The following MSI2 variants were observed in gnomAD, a reference collection of about 807,000 sequenced individuals.
MSI2 encodes RNA-binding protein Musashi homolog 2.
A neutral mutation model predicts 45.6 loss-of-function variants in MSI2; 17 were observed. The observed-to-expected ratio is 0.37, with a 90% CI of 0.26 to 0.56. The LOEUF is 0.56. MSI2 is among the 20% of genes least tolerant of loss of function. MSI2 has a pLI of 0.77. For synonymous variants in MSI2, 156 were observed against 158.2 expected (o/e 0.99, Z 0.11); for missense variants, 293 against 444.2 (o/e 0.66, Z 3.06).
chr17:57,370,844 C>T (rs1205276441), intron 5 of MSI2, among the ~76,000 whole-genome samples: 1 of 152,156 alleles, frequency 6.6e-6, no homozygotes, highest in Admixed American at 6.5e-5. Flanking sequence ...CATGAATGGC[C>T]TTATTAGAGT....
At chr17:57,660,858 G>A (rs949839303) in intron 11 of MSI2, among the ~76,000 whole-genome samples, 1 of 152,220 alleles carries the variant, frequency 6.6e-6, no homozygotes, top group Non-Finnish European at 1.5e-5. Flanking sequence ...GAGCTGGGCA[G>A]AATCAGAGCA....
chr17:57,624,561 T>A (rs1449061368), intron 9 of MSI2, among the ~76,000 whole-genome samples: 12 of 152,204 alleles, frequency 7.9e-5, no homozygotes, highest in Non-Finnish European at 2.9e-5. Flanking sequence ...CTCCTGCTCC[T>A]TAGCTAGCAG....
intron 6 of MSI2, among the ~76,000 whole-genome samples, chr17:57,458,828 C>T (rs2085168173): frequency 1.3e-5 from 2 of 152,204 alleles, no homozygotes; most frequent in South Asian, 4.1e-4. Flanking sequence ...TGGGAGGGTG[C>T]CCTGTGCAGG....
In MSI2 at chr17:57,445,245, G is replaced by A. The variant is rs536435258; in HGVS notation, c.405+43774G>A. Among the ~76,000 whole-genome samples the A allele has an allele frequency of 1.2e-4, 18 of 152,256 alleles. No individual in the cohort carries two copies. The South Asian group carries it at 1.7e-3, about 14-fold the overall frequency. ...AAAAGCTTCCTTCGGTCACCAAGCC[G>A]CGTGTTTGTGTCTGGAGATGAAGTG... On this transcript the variant is annotated intron_variant, in intron 6 of 13. Transcript: ENST00000284073.
intron 11 of MSI2, among the ~76,000 whole-genome samples, chr17:57,655,231 T>C (rs1911507750): frequency 1.3e-5 from 2 of 152,160 alleles, no homozygotes; most frequent in African/African-American, 4.8e-5. Context: ...AGTGGTCACT[T>C]TTCTTTTCCC....
At chr17:57,617,480 T>C (rs1398861592) in intron 9 of MSI2, among the ~76,000 whole-genome samples, 2 of 152,228 alleles carry the variant, frequency 1.3e-5, no homozygotes, top group African/African-American at 4.8e-5. Flanking sequence ...AAACTAAATA[T>C]ACCTATATTT....
rs2084692794 is a variant in MSI2, at chr17:57,436,492, A to G, written c.405+35021A>G. ...AAAAAGTATGGACTAAAGAAAACTG[A>G]TGCTCTGCTGGGTGGATGTGGGGAG... On this transcript the variant is annotated intron_variant, in intron 6 of 13. Transcript: ENST00000284073. 3.3e-5 allele frequency among the ~76,000 whole-genome samples: 5 copies of G among 152,214 alleles called. No homozygotes were observed. In the South Asian group the frequency reaches 1.0e-3, roughly 32 times the overall value.
intron 6 of MSI2, among the ~76,000 whole-genome samples, chr17:57,408,413 G>A (rs778599699): frequency 3.3e-5 from 5 of 152,250 alleles, no homozygotes; most frequent in Non-Finnish European, 7.3e-5. Flanking sequence ...ATGTGCATTT[G>A]CATAGTAGGT....
chr17:57,524,674 C>A (rs1293294132), intron 6 of MSI2, among the ~76,000 whole-genome samples: 1 of 152,206 alleles, frequency 6.6e-6, no homozygotes, highest in Non-Finnish European at 1.5e-5. Flanking sequence ...CTCTTCTTAT[C>A]ATCTTTTCCA....
chr17:57,427,007 T>C (rs1208747312), intron 6 of MSI2, among the ~76,000 whole-genome samples: 3 of 152,256 alleles, frequency 2.0e-5, no homozygotes, highest in Non-Finnish European at 4.4e-5. Flanking sequence ...TTCACCAGGC[T>C]GAAGCCGGGG....
At chr17:57,698,538 T>C in the MSI2 span, among the ~76,000 whole-genome samples, 1 of 152,208 alleles carries the variant, frequency 6.6e-6, no homozygotes, top group African/African-American at 2.4e-5. Context: ...CTTTGATCTC[T>C]GTCTTGCTCT....
In MSI2 at chr17:57,429,241, G is replaced by A. The variant is rs143846307; in HGVS notation, c.405+27770G>A. On this transcript the variant is annotated intron_variant, in intron 6 of 13. Coordinates refer to ENST00000284073, the MANE Select transcript of MSI2 (RefSeq NM_138962.4). ...CTGATCCCACACAGCCTCCAAATAG[G>A]CACTATTGCTCTAAGGTGTCTGGGA... Among the ~76,000 whole-genome samples, 5 of 152,216 alleles carry A rather than the reference G, an allele frequency of 3.3e-5. No homozygotes were observed. In the East Asian group the frequency reaches 9.7e-4, roughly 29 times the overall value.
At chr17:57,342,336 T>C (rs1176693028) in intron 5 of MSI2, among the ~76,000 whole-genome samples, 1 of 152,212 alleles carries the variant, frequency 6.6e-6, no homozygotes, top group Non-Finnish European at 1.5e-5. Context: ...GGTTGAACGC[T>C]CTGAGAGGCC....
At chr17:57,314,871 C>T (rs914146061) in intron 5 of MSI2, among the ~76,000 whole-genome samples, 6 of 152,090 alleles carry the variant, frequency 3.9e-5, no homozygotes, top group East Asian at 3.9e-4. Flanking sequence ...CGCCCGGCCG[C>T]GCCTGCGTTT....
chr17:57,396,541 A>G (rs1459646641), intron 5 of MSI2, among the ~76,000 whole-genome samples: 1 of 152,154 alleles, frequency 6.6e-6, no homozygotes, highest in Non-Finnish European at 1.5e-5. Context: ...TTTTTAACTC[A>G]AAAAGCCAGC....
chr17:57,258,907 A>G (rs8070947), intron 4 of MSI2, among the ~76,000 whole-genome samples: 60,692 of 151,900 alleles, frequency 0.4, 15,548 homozygotes, highest in African/African-American at 0.73. Flanking sequence ...TCCAGATGGC[A>G]TGAAATCTAA....
chr17:57,380,638 C>G lies in MSI2; in HGVS notation c.313-20741C>G, dbSNP rs755972112. On this transcript the variant is annotated intron_variant, in intron 5 of 13. Transcript: ENST00000284073. ...GGGTTAGTCCTTCAGCCCCCTACCC[C>G]CAAACAACCAAGTGGATGTGGGTTT... Among the ~76,000 whole-genome samples the G allele has an allele frequency of 2.5e-4, 38 of 152,150 alleles. 1 individual carries two copies. Among genetic ancestry groups the G allele is most frequent in the Non-Finnish European group, 4.0e-4 (27 of 68,026 alleles).
intron 7 of MSI2, among the ~76,000 whole-genome samples, chr17:57,571,455 A>G (rs371744070): frequency 6.6e-6 from 1 of 152,042 alleles, no homozygotes; most frequent in Non-Finnish European, 1.5e-5. Context: ...CTCCCAGGAG[A>G]TGGGTTTCTG....
At chr17:57,503,499 C>T (rs897142165) in intron 6 of MSI2, among the ~76,000 whole-genome samples, 2 of 152,194 alleles carry the variant, frequency 1.3e-5, no homozygotes, top group Non-Finnish European at 2.9e-5. Context: ...GTTTTGCAGG[C>T]CCTCCTTTAT....
Sources: allele counts gnomAD v4.1 joint callset (sites outside exome capture counted in the v4.1 genomes callset), GRCh38; gene constraint gnomAD v4.1.1; transcripts MANE v1.5; gene names NCBI Gene and HGNC (gene_info 2026-07-23, HGNC 2026-07-21).